Variants in MDGA2 observed in about 807,000 individuals in gnomAD.
MDGA2 encodes the protein MAM domain-containing glycosylphosphatidylinositol anchor protein 2.
MDGA2 carries 40 observed loss-of-function variants against 117.8 expected under a neutral mutation model. The observed-to-expected ratio is 0.34, with a 90% CI of 0.26 to 0.44. The LOEUF (loss-of-function observed/expected upper bound fraction) is 0.44. MDGA2 is among the 20% of genes least tolerant of loss of function. The pLI is 1.00. For synonymous variants in MDGA2, 452 were observed against 439.0 expected (o/e 1.03, Z -0.37); for missense variants, 1,123 against 1,250.6 (o/e 0.90, Z 1.54).
rs761103014 is a variant in MDGA2, at chr14:47,416,466, C to T, written c.281-114916G>A. Among the ~76,000 whole-genome samples the T allele has an allele frequency of 7.2e-5, 11 of 152,172 alleles. No individual in the cohort carries two copies. In the East Asian group the frequency reaches 2.1e-3, roughly 30 times the overall value. On this transcript the variant is annotated intron_variant, in intron 1 of 16. Transcript: ENST00000399232. Reference sequence around the variant, plus strand: ...TGCCCCCACAGCCATTTCTGAAGCTCTAATGGGTTGTAGTTAGGGACATGT... The same window carrying T: ...TGCCCCCACAGCCATTTCTGAAGCTTTAATGGGTTGTAGTTAGGGACATGT...
chr14:47,593,019 A>G (rs1176400810), intron 1 of MDGA2, among the ~76,000 whole-genome samples: 2 of 150,048 alleles, frequency 1.3e-5, no homozygotes, highest in South Asian at 2.1e-4. Flanking sequence ...TGAATCTACA[A>G]GGAACTCAAA....
intron 6 of MDGA2, among the ~76,000 whole-genome samples, chr14:47,071,668 C>T (rs1252378799): frequency 6.6e-6 from 1 of 151,814 alleles, no homozygotes; most frequent in African/African-American, 2.4e-5. Context: ...ATTTAATTGG[C>T]TTTACTCTTT....
At chr14:47,217,726 TA>T (rs977102804) in intron 3 of MDGA2, among the ~76,000 whole-genome samples, 142 of 152,174 alleles carry the variant, frequency 9.3e-4, no homozygotes, top group African/African-American at 3.2e-3. Context: ...TATATAAAGA[TA>T]AAAAATGTGT....
intron 2 of MDGA2, among the ~76,000 whole-genome samples, chr14:47,286,803 T>TTATATATATATATATATATATATATATA (rs34614614): frequency 7.7e-6 from 1 of 130,038 alleles, no homozygotes; most frequent in Admixed American, 7.6e-5. Context: ...AGGCATATCA[T>TTATATATATATATATATATATATATATA]TATATATATA....
chr14:47,160,971 C>T (rs184027770), intron 3 of MDGA2, among the ~76,000 whole-genome samples: 4 of 152,254 alleles, frequency 2.6e-5, no homozygotes, highest in Admixed American at 1.3e-4. Context: ...TGTGATCTCT[C>T]CTTTTTCTAA....
chr14:47,614,945 C>T (rs1289001233), intron 1 of MDGA2, among the ~76,000 whole-genome samples: 4 of 151,984 alleles, frequency 2.6e-5, no homozygotes, highest in African/African-American at 9.7e-5. Context: ...AGTAAATGTT[C>T]CATAAGTTTA....
chr14:46,849,030 A>C (rs1437166327), intron 15 of MDGA2, among the ~76,000 whole-genome samples: 3 of 152,044 alleles, frequency 2.0e-5, no homozygotes, highest in African/African-American at 7.2e-5. Context: ...ACATTTTGTC[A>C]TTGATAAAGC....
At chr14:47,175,926 T>C (rs1011844676) in intron 3 of MDGA2, among the ~76,000 whole-genome samples, 2 of 152,106 alleles carry the variant, frequency 1.3e-5, no homozygotes, top group South Asian at 4.1e-4. Flanking sequence ...AAAATCTCCT[T>C]AAGCTGATAA....
At chr14:47,661,492 A>C (rs921303602) in intron 1 of MDGA2, among the ~76,000 whole-genome samples, 1 of 152,188 alleles carries the variant, frequency 6.6e-6, no homozygotes, top group Non-Finnish European at 1.5e-5. Context: ...TTGTTTGTGC[A>C]TGTATTTTAG....
chr14:47,659,122 T>C (rs1476639246), intron 1 of MDGA2, among the ~76,000 whole-genome samples: 1 of 152,198 alleles, frequency 6.6e-6, no homozygotes, highest in East Asian at 1.9e-4. Context: ...TGAAATCCTA[T>C]CACCCTGCTA....
chr14:47,385,247 A>G (rs1421380661), intron 1 of MDGA2, among the ~76,000 whole-genome samples: 1 of 152,054 alleles, frequency 6.6e-6, no homozygotes, highest in Non-Finnish European at 1.5e-5. Context: ...AATATCTACT[A>G]TGACACTGAT....
At chr14:47,073,316 A>C (rs568143853) in intron 6 of MDGA2, among the ~76,000 whole-genome samples, 1 of 152,334 alleles carries the variant, frequency 6.6e-6, no homozygotes, top group Admixed American at 6.5e-5. Flanking sequence ...TTCTGAGGTC[A>C]GACTGCCTGG....
At chr14:47,270,205 C>T (rs1888101303) in intron 2 of MDGA2, among the ~76,000 whole-genome samples, 1 of 152,118 alleles carries the variant, frequency 6.6e-6, no homozygotes, top group African/African-American at 2.4e-5. Flanking sequence ...CAATACCAGA[C>T]ACTTAAACAC....
intron 1 of MDGA2, among the ~76,000 whole-genome samples, chr14:47,650,086 G>A (rs1217287186): frequency 6.6e-6 from 1 of 152,064 alleles, no homozygotes; most frequent in Non-Finnish European, 1.5e-5. Flanking sequence ...CCAATCAATC[G>A]AAGGCCTGAA....
intron 1 of MDGA2, among the ~76,000 whole-genome samples, chr14:47,478,245 G>T (rs536675449): frequency 6.6e-6 from 1 of 152,134 alleles, no homozygotes; most frequent in Non-Finnish European, 1.5e-5. Context: ...GTTACTTGAA[G>T]GAGACATATT....
intron 1 of MDGA2, among the ~76,000 whole-genome samples, chr14:47,531,835 CATGTATTCT>C (rs1192720587): frequency 6.6e-6 from 1 of 152,120 alleles, no homozygotes; most frequent in Non-Finnish European, 1.5e-5. Flanking sequence ...AATTTGAAAA[CATGTATTCT>C]ATTTGGTTCA....
At chr14:47,293,755 G>A (rs1888968189) in intron 2 of MDGA2, among the ~76,000 whole-genome samples, 2 of 152,124 alleles carry the variant, frequency 1.3e-5, no homozygotes, top group South Asian at 4.1e-4. Flanking sequence ...TGAGAGAATA[G>A]TAGATAGGTA....
At chr14:47,216,420 A>G (rs1566685124) in intron 3 of MDGA2, among the ~76,000 whole-genome samples, 1 of 152,144 alleles carries the variant, frequency 6.6e-6, no homozygotes, top group Non-Finnish European at 1.5e-5. Context: ...ATATTGTATA[A>G]TCAAACACAT....
chr14:46,914,576 A>G (rs1488509658), intron 10 of MDGA2, among the ~76,000 whole-genome samples: 3 of 152,092 alleles, frequency 2.0e-5, no homozygotes, highest in East Asian at 1.9e-4. Context: ...TGCTGGGTTC[A>G]ATTTATCAAC....
Sources: allele counts gnomAD v4.1 joint callset (sites outside exome capture counted in the v4.1 genomes callset), GRCh38; gene constraint gnomAD v4.1.1; transcripts MANE v1.5; gene names NCBI Gene and HGNC (gene_info 2026-07-23, HGNC 2026-07-21).